KDM4C: variants seen among roughly 807,000 people sequenced by gnomAD.
KDM4C encodes lysine demethylase 4C, also known as lysine-specific demethylase 4C.
A neutral mutation model predicts 129.3 loss-of-function variants in KDM4C; 81 were observed. The ratio of observed to expected loss-of-function variants is 0.63; its 90% CI spans 0.52 to 0.75. The LOEUF (loss-of-function observed/expected upper bound fraction) is 0.75. KDM4C is among the 30% of genes least tolerant of loss of function. The probability of loss-of-function intolerance (pLI) is 0.00; values close to 1 mark genes in which losing one functional copy is unlikely to be tolerated. For missense variants in KDM4C, 1,457 were observed against 1,304.0 expected (o/e 1.12, Z -1.81); for synonymous variants, 573 against 456.1 (o/e 1.26, Z -3.26).
chr9:6,941,542 C>T (rs1352938740), intron 8 of KDM4C: 2 of 152,184 alleles, frequency 1.3e-5, no homozygotes, highest in Admixed American at 6.5e-5. Context: ...TATTACATTT[C>T]AGGGCCAATG....
rs550373240 is a variant in KDM4C at position 6,846,635 on chromosome 9, T to C, written c.436-2872T>C. 3.3e-5 allele frequency among the ~76,000 whole-genome samples: 5 copies of C among 152,346 alleles called. No homozygotes were observed. In the South Asian group the frequency reaches 1.0e-3, roughly 32 times the overall value. On this transcript the variant is annotated intron_variant, in intron 4 of 21. Coordinates refer to ENST00000381309, the MANE Select transcript of KDM4C (RefSeq NM_015061.6). The stretch of plus-strand genomic sequence containing the variant: ...TTATTTTAGCAAAATAAATTACTTT[T>C]TAGCAACCTTGCCTTGCTGAGAAGA...
In KDM4C at chr9:6,880,019, A is replaced by T. The variant is rs767499349; in HGVS notation, c.637A>T (p.Ile213Leu). ...HFGEPKSWYA[I>L]PPEHGKRLER... Reference sequence around the variant, plus strand: ...TTATGTTTAAAATTTTAGGTATGCTATACCTCCGGAGCATGGAAAACGACT... The same window carrying T: ...TTATGTTTAAAATTTTAGGTATGCTTTACCTCCGGAGCATGGAAAACGACT... Residue 213 changes from isoleucine (I) to leucine (L), a missense_variant, in exon 6 of 22, where the codon ATA becomes TTA. Ile to Leu is a conservative substitution (Grantham distance 5). Transcript: ENST00000381309. 2.5e-6 allele frequency: 4 copies of T among 1,583,678 alleles called. No individual in the cohort carries two copies.
chr9:6,800,723 C>G (rs1828786551), intron 2 of KDM4C, among the ~76,000 whole-genome samples: 1 of 152,114 alleles, frequency 6.6e-6, no homozygotes, highest in South Asian at 2.1e-4. Context: ...TCCTCCCGGG[C>G]TCAAGCAGTC....
intron 12 of KDM4C, among the ~76,000 whole-genome samples, chr9:6,993,991 C>A (rs933916307): frequency 2.6e-5 from 4 of 152,036 alleles, no homozygotes; most frequent in Non-Finnish European, 5.9e-5. Flanking sequence ...GCACCAGGCA[C>A]TGGTTTTGTA....
At position 7,023,987 on chromosome 9, in the gene KDM4C, A is replaced by G. The variant is rs977711622; in HGVS notation, c.2259+8058A>G. ...TTTCTATTTTTATTCCATTGTGGTCAAAGAAGATGCTTGATATTATTGCAC... is the reference window on the plus strand; with the variant it reads ...TTTCTATTTTTATTCCATTGTGGTCGAAGAAGATGCTTGATATTATTGCAC... On this transcript the variant is annotated intron_variant, in intron 15 of 21. Transcript: ENST00000381309. 9.2e-5 allele frequency among the ~76,000 whole-genome samples: 14 copies of G among 152,228 alleles called. 1 individual carries two copies. Among genetic ancestry groups the G allele is most frequent in the Non-Finnish European group, 1.0e-4 (7 of 68,036 alleles).
At chr9:6,979,298 G>A (rs2039868) in intron 8 of KDM4C, among the ~76,000 whole-genome samples, 38,171 of 152,050 alleles carry the variant, frequency 0.25, 5,195 homozygotes, top group South Asian at 0.45. Flanking sequence ...AGAAAGCAGT[G>A]GTGCAGATAA....
chr9:6,759,579 G>C (rs530701278), intron 1 of KDM4C, among the ~76,000 whole-genome samples: 24 of 152,136 alleles, frequency 1.6e-4, no homozygotes, highest in African/African-American at 5.5e-4. Context: ...ACAGTATCCC[G>C]CAAACTTGGT....
chr9:7,036,439 T>G (rs1033930866), intron 15 of KDM4C, among the ~76,000 whole-genome samples: 2 of 152,186 alleles, frequency 1.3e-5, no homozygotes, highest in African/African-American at 4.8e-5. Context: ...GTCTTACATG[T>G]TTCTTGCCAC....
chr9:6,760,656 C>T (rs531114471), intron 1 of KDM4C, among the ~76,000 whole-genome samples: 104 of 151,800 alleles, frequency 6.9e-4, no homozygotes, highest in Non-Finnish European at 8.1e-4. Flanking sequence ...CTGCAAGCTC[C>T]GCCTCCTGGG....
chr9:7,136,831 C>A (rs992213354), intron 19 of KDM4C, among the ~76,000 whole-genome samples: 1 of 152,020 alleles, frequency 6.6e-6, no homozygotes, highest in Admixed American at 6.5e-5. Context: ...TGATGAAGCC[C>A]AATTTGTCAA....
chr9:6,878,541 G>A (rs1024244986), intron 5 of KDM4C, among the ~76,000 whole-genome samples: 4 of 152,206 alleles, frequency 2.6e-5, no homozygotes, highest in African/African-American at 9.6e-5. Flanking sequence ...ATCAGAGTAG[G>A]AGTAGAGCCA....
intron 15 of KDM4C, among the ~76,000 whole-genome samples, chr9:7,033,185 C>G (rs1001936463): frequency 1.3e-5 from 2 of 150,636 alleles, no homozygotes; most frequent in Non-Finnish European, 2.9e-5. Context: ...CTGTCAAGAC[C>G]AGGTGATGAG....
chr9:6,797,047 T>C (rs1414042840), intron 2 of KDM4C, among the ~76,000 whole-genome samples: 1 of 151,888 alleles, frequency 6.6e-6, no homozygotes, highest in African/African-American at 2.4e-5. Context: ...GGTGTGATCG[T>C]GGCTCACTGC....
intron 1 of KDM4C, chr9:6,734,781 G>A (rs1252467190): frequency 2.6e-6 from 1 of 390,658 alleles, no homozygotes; most frequent in Non-Finnish European, 5.0e-6. Context: ...AAATATGTTT[G>A]TAAATGAAAT....
At chr9:6,767,663 G>A (rs1588135170) in intron 1 of KDM4C, among the ~76,000 whole-genome samples, 1 of 152,266 alleles carries the variant, frequency 6.6e-6, no homozygotes, top group Non-Finnish European at 1.5e-5. Flanking sequence ...GTTTTGCCAT[G>A]TTGTCCAGGC....
chr9:6,898,345 G>A (rs866210475), intron 8 of KDM4C, among the ~76,000 whole-genome samples: 6 of 152,066 alleles, frequency 3.9e-5, no homozygotes, highest in Admixed American at 2.0e-4. Flanking sequence ...GTCATATCTC[G>A]TTTATACCGT....
intron 1 of KDM4C, among the ~76,000 whole-genome samples, chr9:6,740,848 G>A (rs1415189327): frequency 6.7e-6 from 1 of 149,456 alleles, no homozygotes; most frequent in Non-Finnish European, 1.5e-5. Context: ...TTTTTTTTGA[G>A]ACGGAGTCTC....
chr9:6,820,157 G>T (rs1009223679), intron 4 of KDM4C, among the ~76,000 whole-genome samples: 1 of 152,092 alleles, frequency 6.6e-6, no homozygotes, highest in Non-Finnish European at 1.5e-5. Context: ...TTGGTGCAGT[G>T]GGCTTGACTC....
At chr9:6,965,870 A>G (rs183294395) in intron 8 of KDM4C, among the ~76,000 whole-genome samples, 174 of 152,330 alleles carry the variant, frequency 1.1e-3, no homozygotes, top group Admixed American at 3.7e-3. Flanking sequence ...TCAGAATAAT[A>G]TCTTACTACA....
Sources: allele counts gnomAD v4.1 joint callset (sites outside exome capture counted in the v4.1 genomes callset), GRCh38; gene constraint gnomAD v4.1.1; transcripts MANE v1.5; gene names NCBI Gene and HGNC (gene_info 2026-07-23, HGNC 2026-07-21).